MYO5B: variants seen among roughly 807,000 people sequenced by gnomAD.
MYO5B encodes the protein myosin VB.
A neutral mutation model predicts 229.3 loss-of-function variants in MYO5B; 143 were observed. The ratio of observed to expected loss-of-function variants is 0.62; its 90% CI spans 0.54 to 0.72. The LOEUF (loss-of-function observed/expected upper bound fraction) is 0.72, where lower values mean the gene tolerates loss of function less well. Among genes scored for constraint, MYO5B ranks in the 30% least tolerant of loss-of-function variants. The pLI, the probability that MYO5B is intolerant of heterozygous loss-of-function variation, is 0.00. For missense variants in MYO5B, 2,321 were observed against 2,331.0 expected (o/e 1.00, Z 0.09); for synonymous variants, 918 against 885.2 (o/e 1.04, Z -0.66).
intron 16 of MYO5B, among the ~76,000 whole-genome samples, chr18:49,935,956 TGTGAGA>T (rs2025244715): frequency 6.6e-6 from 1 of 152,256 alleles, no homozygotes; most frequent in Non-Finnish European, 1.5e-5. Flanking sequence ...TAACACTTGC[TGTGAGA>T]TGTACTCATG....
chr18:50,117,650 C>T (rs2031986458), intron 1 of MYO5B, among the ~76,000 whole-genome samples: 1 of 152,000 alleles, frequency 6.6e-6, no homozygotes, highest in African/African-American at 2.4e-5. Flanking sequence ...GAAAACAGGG[C>T]CATTATTCTC....
At chr18:49,849,241 A>G (rs996648507) in intron 32 of MYO5B, among the ~76,000 whole-genome samples, 1 of 152,176 alleles carries the variant, frequency 6.6e-6, no homozygotes, top group Non-Finnish European at 1.5e-5. Context: ...ATTCTTTCAC[A>G]TCAATCTTGC....
chr18:49,869,337 C>T (rs1353207074), intron 27 of MYO5B, among the ~76,000 whole-genome samples: 2 of 152,186 alleles, frequency 1.3e-5, no homozygotes, highest in Non-Finnish European at 2.9e-5. Context: ...TTGAGAAGCA[C>T]CCAAGCCAGC....
chr18:49,884,853 GAAGATATAC>G (rs1004688633), intron 22 of MYO5B, among the ~76,000 whole-genome samples: 5 of 152,250 alleles, frequency 3.3e-5, no homozygotes, highest in Admixed American at 2.0e-4. Flanking sequence ...TTTCTCCAAA[GAAGATATAC>G]AAATGGCCGA....
chr18:50,129,373 C>T (rs2032218665), intron 1 of MYO5B, among the ~76,000 whole-genome samples: 1 of 152,276 alleles, frequency 6.6e-6, no homozygotes, highest in East Asian at 1.9e-4. Context: ...TGTCATGCCA[C>T]CAATGTAACT....
intron 34 of MYO5B, among the ~76,000 whole-genome samples, chr18:49,842,072 A>G (rs1774591951): frequency 1.3e-5 from 2 of 150,600 alleles, no homozygotes; most frequent in African/African-American, 2.4e-5. Context: ...TAAATGACAG[A>G]GTGGTATGAG....
intron 16 of MYO5B, among the ~76,000 whole-genome samples, chr18:49,932,902 C>T (rs1049667574): frequency 1.3e-5 from 2 of 152,162 alleles, no homozygotes; most frequent in African/African-American, 4.8e-5. Context: ...AATGGAAAAC[C>T]AGCCCTCCTT....
At chr18:49,870,547 AT>A (rs2024445383) in intron 27 of MYO5B, among the ~76,000 whole-genome samples, 1 of 152,214 alleles carries the variant, frequency 6.6e-6, no homozygotes, top group Non-Finnish European at 1.5e-5. Context: ...AGGGATTAAT[AT>A]CTAGAATATG....
At chr18:49,948,781 GA>G (rs5824811) in intron 14 of MYO5B, among the ~76,000 whole-genome samples, 28,225 of 152,074 alleles carry the variant, frequency 0.19, 3,184 homozygotes, top group African/African-American at 0.32. Flanking sequence ...GCAGGAGGGA[GA>G]AGGGGAGTGA....
intron 4 of MYO5B, among the ~76,000 whole-genome samples, chr18:50,034,985 C>A (rs1460436954): frequency 6.6e-6 from 1 of 152,096 alleles, no homozygotes; most frequent in Non-Finnish European, 1.5e-5. Flanking sequence ...AATTCATTAC[C>A]CTAGGGCAAG....
rs111420791 is a variant in MYO5B, at chr18:49,974,779, T to TCACACACACACACACA, written c.1057-180_1057-165dup. On this transcript the variant is annotated intron_variant, in intron 9 of 39. Coordinates refer to ENST00000285039, the MANE Select transcript of MYO5B (RefSeq NM_001080467.3). The stretch of plus-strand genomic sequence containing the variant: ...CCTGCTGCCAGCCCAGCAGTCTCTC[T>TCACACACACACACACA]CACACACACACACACACAGACACAC... Among the ~76,000 whole-genome samples, 157 of 117,006 alleles carry TCACACACACACACACA rather than the reference T, an allele frequency of 1.3e-3. 2 individuals are homozygous for TCACACACACACACACA. The highest frequency in any genetic ancestry group is 2.1e-3 in the African/African-American group (55 of 26,508). 76.8% of individuals were successfully genotyped at this position (117,006 alleles called of 152,430 possible).
chr18:50,062,669 G>A (rs907816152), intron 1 of MYO5B, among the ~76,000 whole-genome samples: 5 of 152,198 alleles, frequency 3.3e-5, no homozygotes, highest in East Asian at 1.9e-4. Flanking sequence ...TACAGGTACC[G>A]CTGTCTGAAG....
chr18:50,083,834 T>A (rs1234868711), intron 1 of MYO5B, among the ~76,000 whole-genome samples: 3 of 152,102 alleles, frequency 2.0e-5, no homozygotes, highest in Admixed American at 6.6e-5. Flanking sequence ...GATCTCAAAC[T>A]CATTCACCCC....
At chr18:50,069,475 C>T (rs2030901650) in intron 1 of MYO5B, among the ~76,000 whole-genome samples, 1 of 152,138 alleles carries the variant, frequency 6.6e-6, no homozygotes, top group African/African-American at 2.4e-5. Flanking sequence ...CCTCACCGTC[C>T]ATTAGTCTAC....
intron 1 of MYO5B, among the ~76,000 whole-genome samples, chr18:50,176,282 C>T (rs893136930): frequency 6.6e-6 from 1 of 152,192 alleles, no homozygotes; most frequent in Admixed American, 6.5e-5. Flanking sequence ...GATGTTCTAA[C>T]TTCAAGAGGC....
intron 13 of MYO5B, among the ~76,000 whole-genome samples, chr18:49,953,977 G>A (rs1358078165): frequency 7.0e-6 from 1 of 143,304 alleles, no homozygotes; most frequent in Non-Finnish European, 1.5e-5. Context: ...ATGTGTGTGT[G>A]TATAGACTAT....
intron 14 of MYO5B, among the ~76,000 whole-genome samples, chr18:49,942,874 C>G (rs1568040440): frequency 1.3e-5 from 2 of 152,004 alleles, no homozygotes; most frequent in Admixed American, 6.6e-5. Context: ...GGTATATACC[C>G]AAAGGATTAT....
At chr18:49,992,992 T>C (rs537246524) in intron 5 of MYO5B, among the ~76,000 whole-genome samples, 2 of 152,214 alleles carry the variant, frequency 1.3e-5, no homozygotes, top group East Asian at 1.9e-4. Flanking sequence ...ACGCCACAAA[T>C]TGACACTCCT....
chr18:50,012,558 T>G (rs2026173498), intron 4 of MYO5B, among the ~76,000 whole-genome samples: 1 of 152,252 alleles, frequency 6.6e-6, no homozygotes, highest in South Asian at 2.1e-4. Flanking sequence ...CAGCTTTGGA[T>G]GTCCGAGGTA....
Sources: allele counts gnomAD v4.1 joint callset (sites outside exome capture counted in the v4.1 genomes callset), GRCh38; gene constraint gnomAD v4.1.1; transcripts MANE v1.5; gene names NCBI Gene and HGNC (gene_info 2026-07-23, HGNC 2026-07-21).